Variants in ADK observed in about 807,000 individuals in gnomAD.
ADK encodes adenosine kinase, also known as N6,N6-dimethyladenosine kinase.
ADK carries 24 observed loss-of-function variants against 44.7 expected under a neutral mutation model. The observed-to-expected ratio is 0.54, with a 90% CI of 0.39 to 0.76. The LOEUF (loss-of-function observed/expected upper bound fraction) is 0.76. ADK is among the 30% of genes least tolerant of loss of function. ADK has a pLI of 0.00. For synonymous variants in ADK, 128 were observed against 142.6 expected (o/e 0.90, Z 0.73); for missense variants, 321 against 425.1 (o/e 0.76, Z 2.15).
At chr10:74,683,057 A>G (rs1036474342) in intron 10 of ADK, among the ~76,000 whole-genome samples, 4 of 152,234 alleles carry the variant, frequency 2.6e-5, no homozygotes, top group African/African-American at 9.6e-5. Context: ...TCAAAACAAA[A>G]TTTTACTAAC....
At chr10:74,353,500 A>G (rs955660478) in intron 4 of ADK, among the ~76,000 whole-genome samples, 4 of 151,346 alleles carry the variant, frequency 2.6e-5, no homozygotes, top group African/African-American at 9.7e-5. Flanking sequence ...GGTGCACCAA[A>G]CCACCATGGC....
intron 9 of ADK, chr10:74,655,520 G>T: frequency 2.0e-6 from 1 of 498,752 alleles, no homozygotes; most frequent in South Asian, 1.6e-5. Context: ...GCTTTTTAAG[G>T]AAGAAAACAA....
chr10:74,269,391 G>A (rs1326587689), intron 3 of ADK, among the ~76,000 whole-genome samples: 2 of 152,168 alleles, frequency 1.3e-5, no homozygotes, highest in East Asian at 1.9e-4. Context: ...TTAGCTACAA[G>A]CAGCTTTATA....
chr10:74,564,017 A>G (rs1328761981), intron 7 of ADK, among the ~76,000 whole-genome samples: 4 of 151,882 alleles, frequency 2.6e-5, no homozygotes, highest in Non-Finnish European at 5.9e-5. Flanking sequence ...AGCATTAGGT[A>G]TATCTCCCAA....
intron 1 of ADK, among the ~76,000 whole-genome samples, chr10:74,151,936 T>G (rs1841606727): frequency 6.6e-6 from 1 of 152,218 alleles, no homozygotes; most frequent in Non-Finnish European, 1.5e-5. Context: ...TTACACTTTT[T>G]GGCAGCAACG....
chr10:74,255,228 G>A (rs1845784602), intron 3 of ADK, among the ~76,000 whole-genome samples: 1 of 152,122 alleles, frequency 6.6e-6, no homozygotes, highest in East Asian at 1.9e-4. Flanking sequence ...GGTCAAGGAA[G>A]TAAGGAATAA....
chr10:74,617,741 A>T (rs1162888768), intron 9 of ADK, among the ~76,000 whole-genome samples: 1 of 151,790 alleles, frequency 6.6e-6, no homozygotes, highest in Non-Finnish European at 1.5e-5. Flanking sequence ...GATTACAGGC[A>T]CGTACCACCA....
intron 6 of ADK, among the ~76,000 whole-genome samples, chr10:74,512,402 C>CTTTTT (rs36119808): frequency 2.3e-5 from 3 of 128,540 alleles, no homozygotes; most frequent in African/African-American, 8.8e-5. Context: ...CAGTTCTGGA[C>CTTTTT]TTTTTTTTTT....
chr10:74,235,184 TA>T (rs1410273115), intron 3 of ADK, among the ~76,000 whole-genome samples: 1 of 150,352 alleles, frequency 6.7e-6, no homozygotes, highest in Admixed American at 6.6e-5. Flanking sequence ...AAAATGTTCA[TA>T]AGGGATTTTT....
chr10:74,535,731 C>T (rs1416716844), intron 7 of ADK, among the ~76,000 whole-genome samples: 1 of 151,724 alleles, frequency 6.6e-6, no homozygotes, highest in East Asian at 1.9e-4. Flanking sequence ...TACAGGCGTG[C>T]ACAACCATGC....
chr10:74,226,681 T>C (rs1844556439), intron 3 of ADK, among the ~76,000 whole-genome samples: 1 of 152,170 alleles, frequency 6.6e-6, no homozygotes, highest in Non-Finnish European at 1.5e-5. Context: ...AAATTTCTTA[T>C]AAACTGAGTC....
At chr10:74,180,937 A>G (rs1591815987) in intron 1 of ADK, among the ~76,000 whole-genome samples, 2 of 152,242 alleles carry the variant, frequency 1.3e-5, no homozygotes, top group Non-Finnish European at 2.9e-5. Context: ...GTGTTGTTGG[A>G]TAAGTGTAAA....
At chr10:74,413,251 G>A (rs552663551) in intron 6 of ADK, among the ~76,000 whole-genome samples, 4 of 151,966 alleles carry the variant, frequency 2.6e-5, no homozygotes, top group South Asian at 2.1e-4. Context: ...AAAAAGAGTC[G>A]TCCTATCCTT....
rs529563017 is a variant in ADK at position 74,336,923 on chromosome 10, C to T, written c.273+22178C>T. ...TACAGACTCAACAACTATCCATTTC[C>T]CCCACTTCCAAGTATTTTTGATCTG... On this transcript the variant is annotated intron_variant, in intron 4 of 10. Transcript: ENST00000539909. Among the ~76,000 whole-genome samples the T allele has an allele frequency of 3.3e-5, 5 of 152,244 alleles. No homozygotes were observed. In the South Asian group the frequency reaches 1.0e-3, roughly 32 times the overall value.
Position 74,708,390 on chromosome 10 carries a change from G to A in ADK, c.1034G>A (p.Ser345Asn). 6.2e-7 allele frequency: 1 copy of A among 1,612,872 alleles called. No homozygotes were observed. The highest frequency in any genetic ancestry group is 1.3e-5 in the African/African-American group (1 of 74,952). The part of the protein sequence containing the change: ...ECIRAGHYAA[S>N]IIIRRTGCTF... ...ATCCGTGCTGGCCACTATGCAGCAA[G>A]CATCATAATTAGACGGACTGGCTGC... is the stretch of plus-strand genomic sequence containing the variant. Residue 345 changes from serine (S) to asparagine (N), a missense_variant, in exon 11 of 11, where the codon AGC becomes AAC. Coordinates refer to ENST00000539909, the MANE Select transcript of ADK (RefSeq NM_006721.4).
At chr10:74,277,497 C>T (rs907693054) in intron 3 of ADK, among the ~76,000 whole-genome samples, 27 of 151,346 alleles carry the variant, frequency 1.8e-4, no homozygotes, top group Non-Finnish European at 2.5e-4. Context: ...CCCGGGTTCA[C>T]GCCATTCTCC....
chr10:74,690,022 G>T (rs145825324), intron 10 of ADK, among the ~76,000 whole-genome samples: 4 of 152,234 alleles, frequency 2.6e-5, no homozygotes, highest in African/African-American at 9.6e-5. Context: ...CAGGGAACAC[G>T]CTTTGTGAAC....
intron 7 of ADK, among the ~76,000 whole-genome samples, chr10:74,575,205 G>T (rs1351706162): frequency 6.6e-6 from 1 of 152,118 alleles, no homozygotes; most frequent in Admixed American, 6.6e-5. Flanking sequence ...TGGTAAATCA[G>T]CAAGGATTTA....
intron 6 of ADK, among the ~76,000 whole-genome samples, chr10:74,436,649 A>G (rs1307699640): frequency 6.6e-6 from 1 of 152,198 alleles, no homozygotes; most frequent in Non-Finnish European, 1.5e-5. Context: ...AAAGCCAACT[A>G]ATTGGTGAAA....
Sources: gnomAD v4.1 joint callset for allele counts (sites outside exome capture counted in the v4.1 genomes callset) on GRCh38, gnomAD v4.1.1 for gene constraint, MANE v1.5 for transcripts, NCBI Gene and HGNC (gene_info 2026-07-23, HGNC 2026-07-21) for gene names.